CD247: variants seen among roughly 807,000 people sequenced by gnomAD.
CD247 encodes the protein CD247 molecule, also known as T-cell surface glycoprotein CD3 zeta chain.
In CD247, 13 loss-of-function variants were observed where a neutral mutation model predicts 30.0. That is an observed-to-expected ratio of 0.43 (90% CI 0.28 to 0.69). The LOEUF (loss-of-function observed/expected upper bound fraction) is 0.69. Among genes scored for constraint, CD247 ranks in the 30% least tolerant of loss-of-function variants. The pLI is 0.16. For missense variants in CD247, 193 were observed against 212.6 expected (o/e 0.91, Z 0.57); for synonymous variants, 72 against 80.0 (o/e 0.90, Z 0.53).
chr1:167,471,786 A>G (rs1452474279), intron 1 of CD247, among the ~76,000 whole-genome samples: 5 of 120,904 alleles, frequency 4.1e-5, no homozygotes, highest in Admixed American at 4.0e-4. Context: ...CTTTTGATGT[A>G]CCCTCTTACA....
At chr1:167,471,573 G>A (rs920173891) in intron 1 of CD247, among the ~76,000 whole-genome samples, 4 of 152,018 alleles carry the variant, frequency 2.6e-5, no homozygotes, top group African/African-American at 9.7e-5. Flanking sequence ...CCTATTTTAT[G>A]AATTGTGTGG....
chr1:167,450,007 A>T (rs561538781), intron 1 of CD247, among the ~76,000 whole-genome samples: 2 of 152,148 alleles, frequency 1.3e-5, no homozygotes, highest in Non-Finnish European at 2.9e-5. Flanking sequence ...TCATATATTC[A>T]TATTTCATGT....
At chr1:167,491,094 C>T (rs188138093) in intron 1 of CD247, among the ~76,000 whole-genome samples, 195 of 152,184 alleles carry the variant, frequency 1.3e-3, no homozygotes, top group Middle Eastern at 3.4e-3. Context: ...AGTTTTGGCA[C>T]GTCTTGCCTC....
intron 1 of CD247, among the ~76,000 whole-genome samples, chr1:167,473,730 C>T (rs1219418625): frequency 6.6e-6 from 1 of 152,178 alleles, no homozygotes; most frequent in Non-Finnish European, 1.5e-5. Flanking sequence ...CTCACCTAAG[C>T]ATTCCTGACT....
intron 1 of CD247, among the ~76,000 whole-genome samples, chr1:167,455,488 C>T (rs1652601910): frequency 6.6e-6 from 1 of 152,220 alleles, no homozygotes; most frequent in African/African-American, 2.4e-5. Flanking sequence ...ACCATGCAGC[C>T]AAGGTGGGCT....
chr1:167,473,778 G>T (rs555348671), intron 1 of CD247, among the ~76,000 whole-genome samples: 20 of 152,210 alleles, frequency 1.3e-4, no homozygotes, highest in Non-Finnish European at 2.8e-4. Context: ...TCACTGTGAA[G>T]GGGAACCCCT....
intron 1 of CD247, among the ~76,000 whole-genome samples, chr1:167,449,638 C>T (rs746791127): frequency 2.0e-5 from 3 of 152,026 alleles, no homozygotes; most frequent in Non-Finnish European, 4.4e-5. Context: ...AACAACTTTC[C>T]ACGGGCAGGT....
At chr1:167,504,045 G>C (rs1472015824) in intron 1 of CD247, among the ~76,000 whole-genome samples, 1 of 152,140 alleles carries the variant, frequency 6.6e-6, no homozygotes, top group Non-Finnish European at 1.5e-5. Context: ...ATATGAGGGA[G>C]ACCCTTACCT....
intron 1 of CD247, among the ~76,000 whole-genome samples, chr1:167,479,358 T>C (rs1653875854): frequency 6.6e-6 from 1 of 152,152 alleles, no homozygotes; most frequent in African/African-American, 2.4e-5. Context: ...GAAATGAAAA[T>C]TAAACTAAAA....
At chr1:167,497,920 G>A (rs1174308783) in intron 1 of CD247, among the ~76,000 whole-genome samples, 2 of 152,162 alleles carry the variant, frequency 1.3e-5, no homozygotes, top group South Asian at 2.1e-4. Flanking sequence ...GCCCAAGGGA[G>A]AAGAAAAAAG....
At chr1:167,454,238 G>C (rs1403887163) in intron 1 of CD247, among the ~76,000 whole-genome samples, 1 of 152,050 alleles carries the variant, frequency 6.6e-6, no homozygotes, top group South Asian at 2.1e-4. Context: ...ATATCTGGAG[G>C]GCCGCACACA....
At chr1:167,447,664 T>C (rs1299679725) in intron 1 of CD247, among the ~76,000 whole-genome samples, 1 of 152,066 alleles carries the variant, frequency 6.6e-6, no homozygotes, top group Non-Finnish European at 1.5e-5. Context: ...AATCACTGAG[T>C]AATCACAGCG....
rs1651268603 is a variant in CD247 at position 167,431,603 on chromosome 1, G to A, written c.*78C>T. On this transcript the variant is annotated 3_prime_UTR_variant, in exon 8 of 8. Coordinates refer to ENST00000362089, the MANE Select transcript of CD247 (RefSeq NM_198053.3). ...TCAGTGGCTGAGAAGAGTGAACCGGGTTGTAAATGCTTCATCCTGTGTCTC... is the reference window on the plus strand; with the variant it reads ...TCAGTGGCTGAGAAGAGTGAACCGGATTGTAAATGCTTCATCCTGTGTCTC... 2.5e-6 allele frequency: 3 copies of A among 1,177,408 alleles called. No homozygotes were observed. The highest frequency in any genetic ancestry group is 1.2e-5 in the South Asian group (1 of 82,436). The allele number at this position is 1,177,408 out of a possible 1,614,324, so 72.9% of individuals were successfully genotyped here. A position where few individuals can be genotyped will look rare whatever the true frequency, so the allele number is the denominator to read the frequency against.
intron 1 of CD247, among the ~76,000 whole-genome samples, chr1:167,499,307 A>T (rs535854184): frequency 6.6e-6 from 1 of 152,218 alleles, no homozygotes; most frequent in Non-Finnish European, 1.5e-5. Flanking sequence ...ATCTGGCCCC[A>T]GGTGTTTTAG....
intron 6 of CD247, 83 bp downstream of exon 6, chr1:167,433,937 T>C (rs1419110579): frequency 8.1e-7 from 1 of 1,231,188 alleles, no homozygotes; most frequent in Non-Finnish European, 1.2e-6. Flanking sequence ...GGATGAGAAG[T>C]GGATGGGAAA....
chr1:167,451,012 G>A (rs1652329429), intron 1 of CD247, among the ~76,000 whole-genome samples: 1 of 152,062 alleles, frequency 6.6e-6, no homozygotes, highest in South Asian at 2.1e-4. Context: ...TTTTTCACAG[G>A]TGGTCAGAGC....
rs77318866 is a variant in CD247 at position 167,505,129 on chromosome 1, C to A, written c.58+13279G>T. Reference sequence around the variant, plus strand: ...TTCCCTTGTACATAGCTGACATTTTCTTTTCTTTTTCTTTTTTTAGAGACA... The same window carrying A: ...TTCCCTTGTACATAGCTGACATTTTATTTTCTTTTTCTTTTTTTAGAGACA... On this transcript the variant is annotated intron_variant, in intron 1 of 7. Transcript: ENST00000362089. Among the ~76,000 whole-genome samples the A allele has an allele frequency of 5.9e-5, 9 of 152,168 alleles. No homozygotes were observed. In the East Asian group the frequency reaches 1.5e-3, roughly 26 times the overall value.
At chr1:167,464,989 T>G (rs1653175396) in intron 1 of CD247, among the ~76,000 whole-genome samples, 1 of 152,168 alleles carries the variant, frequency 6.6e-6, no homozygotes, top group African/African-American at 2.4e-5. Context: ...TTCCAGCTCT[T>G]TCTTCCCCTC....
intron 1 of CD247, among the ~76,000 whole-genome samples, chr1:167,491,177 G>A (rs1654428649): frequency 6.6e-6 from 1 of 152,286 alleles, no homozygotes; most frequent in South Asian, 2.1e-4. Flanking sequence ...ACAAGTGTTG[G>A]TGAGGATGTG....
Sources: allele counts gnomAD v4.1 joint callset (sites outside exome capture counted in the v4.1 genomes callset), GRCh38; gene constraint gnomAD v4.1.1; transcripts MANE v1.5; gene names NCBI Gene and HGNC (gene_info 2026-07-23, HGNC 2026-07-21).